PCNX2: variants seen among roughly 807,000 people sequenced by gnomAD.
PCNX2 encodes the protein pecanex-like protein 2.
Under a neutral mutation model 223.8 loss-of-function variants are expected in PCNX2, and 168 were observed. The observed-to-expected ratio is 0.75, with a 90% CI of 0.66 to 0.85. The LOEUF is 0.85. Ranked by LOEUF, PCNX2 falls within the 40% of genes least tolerant of loss-of-function variation. The pLI, the probability that PCNX2 is intolerant of heterozygous loss-of-function variation, is 0.00. For missense variants in PCNX2, 2,507 were observed against 2,675.5 expected (o/e 0.94, Z 1.39); for synonymous variants, 1,006 against 1,052.6 (o/e 0.96, Z 0.86).
chr1:233,306,708 C>G, the PCNX2 span, among the ~76,000 whole-genome samples: 1 of 152,210 alleles, frequency 6.6e-6, no homozygotes, highest in Non-Finnish European at 1.5e-5. Context: ...TGACCACCTT[C>G]ACATGATTGT....
At chr1:233,177,592 G>T (rs1298865763) in intron 17 of PCNX2, among the ~76,000 whole-genome samples, 1 of 152,224 alleles carries the variant, frequency 6.6e-6, no homozygotes, top group Non-Finnish European at 1.5e-5. Flanking sequence ...ACTTTCAAGT[G>T]ATATTCTTTA....
intron 23 of PCNX2, among the ~76,000 whole-genome samples, chr1:233,083,107 G>C (rs1375376698): frequency 6.6e-6 from 1 of 152,210 alleles, no homozygotes; most frequent in African/African-American, 2.4e-5. Flanking sequence ...AGGCATGAAT[G>C]ATAGCAGGAC....
intron 25 of PCNX2, among the ~76,000 whole-genome samples, chr1:233,048,249 G>A (rs955728869): frequency 1.3e-5 from 2 of 152,212 alleles, no homozygotes; most frequent in Non-Finnish European, 2.9e-5. Flanking sequence ...TTGAGGTCAG[G>A]AGTTCGAGAC....
intron 1 of PCNX2, among the ~76,000 whole-genome samples, chr1:233,278,701 C>T (rs1661033392): frequency 6.6e-6 from 1 of 152,104 alleles, no homozygotes; most frequent in Non-Finnish European, 1.5e-5. Flanking sequence ...AGACACTTGC[C>T]CTCCACTCTG....
At chr1:233,239,232 G>A (rs1467238498) in intron 8 of PCNX2, among the ~76,000 whole-genome samples, 1 of 152,144 alleles carries the variant, frequency 6.6e-6, no homozygotes, top group African/African-American at 2.4e-5. Flanking sequence ...AAAGTAGAAG[G>A]TGTACAGCAC....
intron 17 of PCNX2, among the ~76,000 whole-genome samples, chr1:233,166,860 G>A (rs964714221): frequency 6.6e-6 from 1 of 152,028 alleles, no homozygotes; most frequent in African/African-American, 2.4e-5. Context: ...TTTAAAAATA[G>A]GCCAGGTGTG....
At chr1:233,068,375 A>G (rs907064798) in intron 23 of PCNX2, among the ~76,000 whole-genome samples, 2 of 152,150 alleles carry the variant, frequency 1.3e-5, no homozygotes, top group African/African-American at 4.8e-5. Flanking sequence ...AAAAGAAAAG[A>G]AGAGAAAGAA....
Position 233,294,117 on chromosome 1 carries a change from T to C in PCNX2, c.153+1209A>G, listed in dbSNP as rs1661932787. On this transcript the variant is annotated intron_variant, in intron 1 of 33. Transcript: ENST00000258229. The stretch of plus-strand genomic sequence containing the variant: ...CCGTTTTAATGATATGAATGCTAAG[T>C]TTTAGAAAAGTTCAGTATCAGACCA... 7.2e-6 allele frequency: 4 copies of C among 553,968 alleles called. No individual in the cohort carries two copies. In the South Asian group the frequency reaches 2.3e-4, roughly 32 times the overall value. 34.3% of individuals were successfully genotyped at this position (553,968 alleles called of 1,614,324 possible).
At chr1:233,249,559 G>GAGA (rs979895155) in intron 8 of PCNX2, among the ~76,000 whole-genome samples, 1 of 152,190 alleles carries the variant, frequency 6.6e-6, no homozygotes, top group Non-Finnish European at 1.5e-5. Flanking sequence ...CTGTTGGCTG[G>GAGA]AGAAGAAGAA....
At chr1:233,181,649 T>C (rs953044518) in intron 15 of PCNX2, among the ~76,000 whole-genome samples, 1 of 152,310 alleles carries the variant, frequency 6.6e-6, no homozygotes, top group Non-Finnish European at 1.5e-5. Context: ...TTTCTCACAG[T>C]TCTGGGCACT....
At chr1:233,032,480 T>A (rs1671303882) in intron 25 of PCNX2, among the ~76,000 whole-genome samples, 1 of 152,238 alleles carries the variant, frequency 6.6e-6, no homozygotes, top group African/African-American at 2.4e-5. Context: ...CAAAACTGGT[T>A]AAACAGCAGA....
intron 33 of PCNX2, 127 bp downstream of exon 33, chr1:232,985,965 G>C (rs1359367349): frequency 4.0e-6 from 4 of 1,008,696 alleles, no homozygotes; most frequent in Non-Finnish European, 6.1e-6. Flanking sequence ...CACTCTGGGA[G>C]CCCCATAGAG....
chr1:233,123,869 A>C (rs1049557248), intron 21 of PCNX2, among the ~76,000 whole-genome samples: 13 of 152,236 alleles, frequency 8.5e-5, no homozygotes, highest in Non-Finnish European at 1.6e-4. Flanking sequence ...ACTGAAAAAG[A>C]CCATATAGTC....
chr1:233,153,611 G>T (rs1212046074), intron 19 of PCNX2, among the ~76,000 whole-genome samples: 4 of 152,102 alleles, frequency 2.6e-5, no homozygotes, highest in Non-Finnish European at 4.4e-5. Flanking sequence ...GAAGATAAGA[G>T]AGATAAATTC....
At position 233,161,273 on chromosome 1, in the gene PCNX2, G is replaced by A. The variant is rs749235829; in HGVS notation, c.3364C>T (p.Arg1122Ter). Residue 1122 changes from arginine to a stop codon, truncating the protein, a stop_gained and splice_region_variant, in exon 18 of 34, where the codon CGA becomes TGA. Transcript: ENST00000258229. LOFTEE classifies it high-confidence loss of function. Reference protein sequence around the residue: ...VSASTVFLSLRPFLSIVLFAL... With the variant: ...VSASTVFLSL The stretch of plus-strand genomic sequence containing the variant: ...GTACAAAGTTGGTGGATACATACTC[G>A]CAATGACAGGAATACAGTGCTGGCG... 1.9e-6 allele frequency: 3 copies of A among 1,612,652 alleles called. No individual in the cohort carries two copies. The highest frequency in any genetic ancestry group is 1.7e-4 in the Middle Eastern group (1 of 6,060).
In PCNX2 at chr1:233,000,660, T is replaced by A. The variant is rs1571997014; in HGVS notation, c.5098-125A>T. ...GCTCTTTCCTCATCTTCCTCTCTCCTGTTCTTTTTCCAAATCCTGAGCTCG... is the reference window on the plus strand; with the variant it reads ...GCTCTTTCCTCATCTTCCTCTCTCCAGTTCTTTTTCCAAATCCTGAGCTCG... On this transcript the variant is annotated intron_variant, in intron 29 of 33. Transcript: ENST00000258229. The surrounding 1 kb of genome is among the most constrained non-coding windows in gnomAD (Gnocchi z 4.6). The A allele has an allele frequency of 1.3e-6, 1 of 746,252 alleles. No individual in the cohort carries two copies. Among genetic ancestry groups the A allele is most frequent in the African/African-American group, 1.8e-5 (1 of 56,850 alleles). 46.2% of individuals were successfully genotyped at this position (746,252 alleles called of 1,614,324 possible).
intron 24 of PCNX2, among the ~76,000 whole-genome samples, chr1:233,055,868 C>T (rs1558191662): frequency 6.6e-6 from 1 of 152,146 alleles, no homozygotes; most frequent in South Asian, 2.1e-4. Context: ...AATCAGGGTG[C>T]GGAAGGCAGG....
At chr1:233,285,779 A>C (rs1224481578) in intron 1 of PCNX2, among the ~76,000 whole-genome samples, 1 of 152,264 alleles carries the variant, frequency 6.6e-6, no homozygotes, top group Non-Finnish European at 1.5e-5. Context: ...TGATCCATAT[A>C]CAACTAATGG....
At chr1:233,160,161 G>C (rs1421127949) in intron 19 of PCNX2, 122 bp downstream of exon 19, 4 of 1,063,856 alleles carry the variant, frequency 3.8e-6, no homozygotes, top group Non-Finnish European at 5.3e-6. Context: ...TGTACCATCT[G>C]CCATTTTCAA....
Sources: gnomAD v4.1 joint callset for allele counts (sites outside exome capture counted in the v4.1 genomes callset) on GRCh38, gnomAD v4.1.1 for gene constraint, Gnocchi (gnomAD v3.1) non-coding constraint, MANE v1.5 for transcripts, NCBI Gene and HGNC (gene_info 2026-07-23, HGNC 2026-07-21) for gene names.